The following AGBL4 variants were observed in gnomAD, a reference collection of about 807,000 sequenced individuals.
AGBL4 encodes the protein cytosolic carboxypeptidase 6.
In AGBL4, 58 loss-of-function variants were observed where a neutral mutation model predicts 66.4. The observed-to-expected ratio is 0.87, with a 90% CI of 0.71 to 1.09. The LOEUF (loss-of-function observed/expected upper bound fraction) is 1.09, where lower values mean the gene tolerates loss of function less well. Among genes scored for constraint, AGBL4 ranks in the 50% least tolerant of loss-of-function variants. AGBL4 has a pLI of 0.00. For synonymous variants in AGBL4, 234 were observed against 222.9 expected, an observed-to-expected ratio of 1.05 and a Z score of -0.44; for missense variants, 579 against 631.0, an observed-to-expected ratio of 0.92 and a Z score of 0.88.
intron 5 of AGBL4, among the ~76,000 whole-genome samples, chr1:48,936,552 A>C (rs747918397): frequency 6.6e-6 from 1 of 152,078 alleles, no homozygotes; most frequent in Non-Finnish European, 1.5e-5. Context: ...GAAGAACTGC[A>C]CTCTGATGGT....
chr1:49,291,071 C>T (rs569307534), intron 3 of AGBL4, among the ~76,000 whole-genome samples: 1 of 152,266 alleles, frequency 6.6e-6, no homozygotes, highest in East Asian at 1.9e-4. Flanking sequence ...GCAGGTTCTG[C>T]AGAGCTAACA....
chr1:49,845,700 C>A, intron 2 of AGBL4: 1 of 1,594,756 alleles, frequency 6.3e-7, no homozygotes, highest in Admixed American at 1.7e-5. Flanking sequence ...TCAGCCAGAG[C>A]ACATTCCTGA....
At chr1:49,337,527 T>C (rs968642057) in intron 3 of AGBL4, among the ~76,000 whole-genome samples, 1 of 152,132 alleles carries the variant, frequency 6.6e-6, no homozygotes, top group Non-Finnish European at 1.5e-5. Flanking sequence ...TGGAGCACTT[T>C]GGGGCAGGAC....
chr1:49,743,430 T>C (rs1470041124), intron 2 of AGBL4, among the ~76,000 whole-genome samples: 1 of 152,098 alleles, frequency 6.6e-6, no homozygotes, highest in African/African-American at 2.4e-5. Context: ...TGTGGAGAAA[T>C]AGGAACACTT....
chr1:48,758,740 TG>T (rs992531224), intron 6 of AGBL4, among the ~76,000 whole-genome samples: 1 of 152,136 alleles, frequency 6.6e-6, no homozygotes, highest in Non-Finnish European at 1.5e-5. Context: ...TCACTATGAG[TG>T]GGGAGTGACT....
intron 6 of AGBL4, among the ~76,000 whole-genome samples, chr1:48,664,551 G>A (rs923399530): frequency 1.3e-5 from 2 of 152,150 alleles, no homozygotes; most frequent in African/African-American, 4.8e-5. Flanking sequence ...GATGTACAAA[G>A]CCCAACTCTC....
At position 48,653,138 on chromosome 1, in the gene AGBL4, G is replaced by A. The variant is rs1235914423; in HGVS notation, c.839+199C>T. Among the ~76,000 whole-genome samples the A allele has an allele frequency of 2.0e-5, 3 of 152,288 alleles. No individual in the cohort carries two copies. In the East Asian group the frequency reaches 5.8e-4, roughly 29 times the overall value. ...CCAGTGAGCTGTCTAGAAAAACCCA[G>A]CAAGTGACCTTAGGTGGCTGTGCAT... On this transcript the variant is annotated intron_variant, in intron 8 of 13. Transcript: ENST00000371839.
intron 5 of AGBL4, among the ~76,000 whole-genome samples, chr1:48,872,336 T>C (rs11205564): frequency 4.6e-5 from 7 of 152,120 alleles, no homozygotes; most frequent in Non-Finnish European, 1.0e-4. Context: ...CCAGGCTGCA[T>C]CTTTGTTTTG....
chr1:49,281,356 G>A (rs966893086), intron 3 of AGBL4, among the ~76,000 whole-genome samples: 1 of 152,170 alleles, frequency 6.6e-6, no homozygotes, highest in South Asian at 2.1e-4. Flanking sequence ...AAGAAAGAAG[G>A]CTGGCTTGGG....
At chr1:49,230,573 T>C (rs1182857858) in intron 4 of AGBL4, among the ~76,000 whole-genome samples, 3 of 152,222 alleles carry the variant, frequency 2.0e-5, no homozygotes, top group African/African-American at 7.2e-5. Context: ...GCTGGCTTTA[T>C]CTTCCTCAAT....
At chr1:49,670,340 A>G (rs1646452485) in intron 3 of AGBL4, among the ~76,000 whole-genome samples, 1 of 152,210 alleles carries the variant, frequency 6.6e-6, no homozygotes, top group Admixed American at 6.5e-5. Flanking sequence ...CCAGAGGCAG[A>G]CTTGATTTGG....
chr1:48,773,556 A>T (rs770488313), intron 6 of AGBL4, among the ~76,000 whole-genome samples: 19 of 151,960 alleles, frequency 1.3e-4, no homozygotes, highest in Non-Finnish European at 2.1e-4. Flanking sequence ...GGGCTTGAAA[A>T]CTCAGAAACT....
intron 1 of AGBL4, among the ~76,000 whole-genome samples, chr1:49,957,245 T>C (rs956290459): frequency 6.6e-6 from 1 of 152,044 alleles, no homozygotes; most frequent in Non-Finnish European, 1.5e-5. Flanking sequence ...TTAAAGCAGA[T>C]CTTTTACATT....
Position 49,969,147 on chromosome 1 carries a change from CA to C in AGBL4, c.34+54615del, listed in dbSNP as rs368089080. Among the ~76,000 whole-genome samples the C allele has an allele frequency of 2.6e-3, 393 of 152,256 alleles. 5 individuals are homozygous for C. The highest frequency in any genetic ancestry group is 8.9e-3 in the African/African-American group (369 of 41,546). Reference sequence around the variant, plus strand: ...AAACTATCAATAGGAAAGAGGCTGACAAGTTTCTTGGTTAAAATAAGAACAG... The same window carrying C: ...AAACTATCAATAGGAAAGAGGCTGACAGTTTCTTGGTTAAAATAAGAACAG... On this transcript the variant is annotated intron_variant, in intron 1 of 13. Transcript: ENST00000371839.
intron 2 of AGBL4, chr1:49,842,092 C>T (rs1198521782): frequency 2.1e-5 from 7 of 341,404 alleles, no homozygotes; most frequent in Admixed American, 4.2e-5. Context: ...GCATGCCCGA[C>T]CTCCTGAAGT....
intron 6 of AGBL4, among the ~76,000 whole-genome samples, chr1:48,735,005 C>G (rs1311810989): frequency 6.6e-6 from 1 of 152,242 alleles, no homozygotes; most frequent in East Asian, 1.9e-4. Context: ...GCTGTATAAC[C>G]TGGTCAAGTT....
At position 49,303,712 on chromosome 1, in the gene AGBL4, G is replaced by C. The variant is rs528439882; in HGVS notation, c.283-57848C>G. ...GCTGATCTCAAACTCCTGGCCTCAA[G>C]TGATCCACCCGCCTCGGCCTCCCAA... On this transcript the variant is annotated intron_variant, in intron 3 of 13. Transcript: ENST00000371839. 6.6e-5 allele frequency among the ~76,000 whole-genome samples: 10 copies of C among 152,096 alleles called. No homozygotes were observed. The South Asian group carries it at 1.7e-3, about 25-fold the overall frequency.
chr1:48,708,359 G>T (rs549942591), intron 6 of AGBL4, among the ~76,000 whole-genome samples: 15 of 152,296 alleles, frequency 9.8e-5, no homozygotes, highest in African/African-American at 3.6e-4. Context: ...CCTGAAGAGG[G>T]ATTGACCATT....
At chr1:49,633,157 A>G (rs1261057998) in intron 3 of AGBL4, among the ~76,000 whole-genome samples, 1 of 152,170 alleles carries the variant, frequency 6.6e-6, no homozygotes, top group Non-Finnish European at 1.5e-5. Context: ...ACACTAGCCC[A>G]GAGAGAAAAT....
Sources: gnomAD v4.1 joint callset for allele counts (sites outside exome capture counted in the v4.1 genomes callset) on GRCh38, gnomAD v4.1.1 for gene constraint, MANE v1.5 for transcripts, NCBI Gene and HGNC (gene_info 2026-07-23, HGNC 2026-07-21) for gene names.